Variants in WDR4 observed in about 807,000 individuals in gnomAD.
The protein encoded by WDR4 is WDR4 tRNA N7-guanosine methyltransferase non-catalytic subunit.
In WDR4, 47 loss-of-function variants were observed where a neutral mutation model predicts 48.6. The ratio of observed to expected loss-of-function variants is 0.97; its 90% CI spans 0.77 to 1.23. The LOEUF is 1.23. WDR4 is among the 50% of genes most tolerant of loss of function. WDR4 has a pLI of 0.00. For synonymous variants in WDR4, 268 were observed against 230.0 expected (o/e 1.17, Z -1.49); for missense variants, 606 against 551.6 (o/e 1.10, Z -0.99).
intron 10 of WDR4, among the ~76,000 whole-genome samples, chr21:42,851,914 AC>A (rs997059233): frequency 1.3e-5 from 2 of 152,174 alleles, no homozygotes; most frequent in African/African-American, 4.8e-5. Context: ...AACACCATGG[AC>A]CAGGCATGAG....
At chr21:42,852,043 T>C (rs970848253) in intron 10 of WDR4, among the ~76,000 whole-genome samples, 1 of 152,166 alleles carries the variant, frequency 6.6e-6, no homozygotes, top group Non-Finnish European at 1.5e-5. Context: ...CCTAAGTGGC[T>C]CTCGTTAGCC....
chr21:42,871,953 C>A (rs1288139376), intron 3 of WDR4, among the ~76,000 whole-genome samples: 10 of 151,824 alleles, frequency 6.6e-5, no homozygotes, highest in Non-Finnish European at 4.4e-5. Flanking sequence ...GAGGACAGAG[C>A]AGGCATTCAT....
At chr21:42,859,547 G>C in intron 6 of WDR4, 115 bp downstream of exon 6, 2 of 1,282,722 alleles carry the variant, frequency 1.6e-6, no homozygotes, top group Non-Finnish European at 2.2e-6. Context: ...CTAGTGGACA[G>C]CCACAGCCAG....
chr21:42,858,739 G>C (rs1445214388), intron 6 of WDR4, among the ~76,000 whole-genome samples: 1 of 152,146 alleles, frequency 6.6e-6, no homozygotes, highest in Non-Finnish European at 1.5e-5. Context: ...GGAGATTATG[G>C]CCACACTTTT....
intron 7 of WDR4, 108 bp from the exon 8 acceptor site, chr21:42,854,734 C>T: frequency 3.0e-6 from 3 of 1,010,412 alleles, no homozygotes; most frequent in Middle Eastern, 2.1e-4. Context: ...CCCCACATAT[C>T]AAGGAAGAGG....
chr21:42,853,798 C>T (rs541953270), intron 8 of WDR4, 46 bp from the exon 9 acceptor site: 8 of 1,519,486 alleles, frequency 5.3e-6, no homozygotes, highest in Admixed American at 2.0e-5. Flanking sequence ...TGCAGGCCCA[C>T]GGGCTCCGCT....
intron 10 of WDR4, 33 bp from the exon 11 acceptor site, chr21:42,850,275 G>A (rs750139466): frequency 6.4e-7 from 1 of 1,559,218 alleles, no homozygotes; most frequent in East Asian, 2.3e-5. Flanking sequence ...GGTGCCAGGT[G>A]GGGCAGGAAC....
intron 6 of WDR4, among the ~76,000 whole-genome samples, chr21:42,858,295 A>G (rs1374581117): frequency 2.0e-5 from 3 of 152,084 alleles, no homozygotes; most frequent in East Asian, 1.9e-4. Flanking sequence ...CGCACACTGG[A>G]GCAGAGAAAG....
intron 9 of WDR4, among the ~76,000 whole-genome samples, chr21:42,852,872 G>A (rs996675572): frequency 8.0e-5 from 12 of 149,532 alleles, no homozygotes; most frequent in African/African-American, 2.5e-4. Context: ...CCGAGATAGC[G>A]CCATTGTACT....
At chr21:42,853,483 G>C in intron 9 of WDR4, 86 bp downstream of exon 9, 5 of 1,437,296 alleles carry the variant, frequency 3.5e-6, no homozygotes, top group Non-Finnish European at 3.7e-6. Flanking sequence ...GCTTACCCAT[G>C]GACCCAAAAA....
chr21:42,852,380 C>G (rs1432722184), intron 9 of WDR4, 56 bp from the exon 10 acceptor site: 1 of 1,583,404 alleles, frequency 6.3e-7, no homozygotes, highest in Non-Finnish European at 8.6e-7. Context: ...GGAAACCCAG[C>G]ACCAGGACGC....
At chr21:42,892,297 T>C in the WDR4 span, among the ~76,000 whole-genome samples, 5,122 of 150,226 alleles carry the variant, frequency 0.034, 142 homozygotes, top group Admixed American at 0.08. Flanking sequence ...TCTTTTGGCA[T>C]TTTTTTTTCT....
intron 3 of WDR4, among the ~76,000 whole-genome samples, chr21:42,868,387 C>A (rs1240350539): frequency 6.6e-6 from 1 of 152,226 alleles, no homozygotes; most frequent in Non-Finnish European, 1.5e-5. Flanking sequence ...AACCTCAGAA[C>A]TTCACAGCCG....
rs1485105624 is a variant in WDR4 at position 42,855,829 on chromosome 21, CAGGT to C, written c.628-53_628-50del. On this transcript the variant is annotated intron_variant, in intron 6 of 10. Coordinates refer to ENST00000398208, the MANE Select transcript of WDR4 (RefSeq NM_018669.6). ...TAGCACATGGTTGTGGGGCTTCCGT[CAGGT>C]AGGGTGACAGAGAGGACAGCTGCGT... 2.1e-6 allele frequency: 3 copies of C among 1,454,312 alleles called. No homozygotes were observed. In the African/African-American group the frequency reaches 4.2e-5, roughly 20 times the overall value. The allele number at this position is 1,454,312 out of a possible 1,614,324, so 90.1% of individuals were successfully genotyped here.
At chr21:42,865,067 G>A (rs1445234780) in intron 3 of WDR4, among the ~76,000 whole-genome samples, 2 of 152,192 alleles carry the variant, frequency 1.3e-5, no homozygotes, top group African/African-American at 2.4e-5. Flanking sequence ...TTCTCTCAGG[G>A]GCAGAGGGAC....
chr21:42,869,440 C>T (rs1235247341), intron 3 of WDR4, among the ~76,000 whole-genome samples: 2 of 152,132 alleles, frequency 1.3e-5, no homozygotes, highest in Non-Finnish European at 2.9e-5. Flanking sequence ...GACCCCAGGG[C>T]TTTGAAGTTT....
At chr21:42,851,794 C>T (rs981985272) in intron 10 of WDR4, among the ~76,000 whole-genome samples, 2 of 152,208 alleles carry the variant, frequency 1.3e-5, no homozygotes, top group Non-Finnish European at 2.9e-5. Flanking sequence ...GACCATCCTG[C>T]CCCTGCTCAG....
rs569028587 is a variant in WDR4 at position 42,868,556 on chromosome 21, C to A, written c.297-4960G>T. On this transcript the variant is annotated intron_variant, in intron 3 of 10. Coordinates refer to ENST00000398208, the MANE Select transcript of WDR4 (RefSeq NM_018669.6). The stretch of plus-strand genomic sequence containing the variant: ...GCTACTCCTCAAATGGTGTCTGGTA[C>A]CAGACATCAAAAGCCTTGGCACAGG... 9.2e-4 allele frequency among the ~76,000 whole-genome samples: 140 copies of A among 152,344 alleles called. 1 individual carries two copies. The highest frequency in any genetic ancestry group is 3.2e-3 in the African/African-American group (135 of 41,576).
chr21:42,864,497 A>C (rs975187309), intron 3 of WDR4, among the ~76,000 whole-genome samples: 2 of 152,120 alleles, frequency 1.3e-5, no homozygotes, highest in Admixed American at 1.3e-4. Flanking sequence ...TCAGGGCAGG[A>C]CCCAGCCCAG....
Sources: allele counts gnomAD v4.1 joint callset (sites outside exome capture counted in the v4.1 genomes callset), GRCh38; gene constraint gnomAD v4.1.1; transcripts MANE v1.5; gene names NCBI Gene and HGNC (gene_info 2026-07-23, HGNC 2026-07-21).